Variants in HAUS8 observed in about 807,000 individuals in gnomAD.
HAUS8 encodes HAUS augmin like complex subunit 8, also known as HAUS augmin-like complex subunit 8.
HAUS8 carries 38 observed loss-of-function variants against 42.9 expected under a neutral mutation model. The ratio of observed to expected loss-of-function variants is 0.89; its 90% confidence interval spans 0.68 to 1.16. The LOEUF (loss-of-function observed/expected upper bound fraction) is 1.16. Among genes scored for constraint, HAUS8 ranks in the 50% most tolerant of loss-of-function variants. The pLI, the probability that HAUS8 is intolerant of heterozygous loss-of-function variation, is 0.00. For synonymous variants in HAUS8, 199 were observed against 205.8 expected (o/e 0.97, Z 0.28); for missense variants, 494 against 511.6 (o/e 0.97, Z 0.33).
chr19:17,050,048 G>T lies in HAUS8; in HGVS notation c.1058C>A (p.Ala353Asp). The T allele has an allele frequency of 6.2e-7, 1 of 1,607,704 alleles. No individual in the cohort carries two copies. Among genetic ancestry groups the T allele is most frequent in the East Asian group, 2.3e-5 (1 of 43,984 alleles). The change falls in exon 11 of 11, where the codon GCC becomes GAC. Residue 353 changes from alanine (A) to aspartate (D), a missense_variant. Coordinates refer to ENST00000253669, the MANE Select transcript of HAUS8 (RefSeq NM_033417.2). ...PSRWYFNQDS[A>D]CRESGGAPKN... Reference sequence around the variant, plus strand: ...GGGTGCTCCCCCAGATTCTCTGCAGGCACTGTCTTGATTGAAATACCACCG... The same window carrying T: ...GGGTGCTCCCCCAGATTCTCTGCAGTCACTGTCTTGATTGAAATACCACCG...
At chr19:17,056,544 C>A (rs2057327618) in intron 8 of HAUS8, among the ~76,000 whole-genome samples, 2 of 152,048 alleles carry the variant, frequency 1.3e-5, no homozygotes, top group South Asian at 4.2e-4. Flanking sequence ...TATACACACA[C>A]ACATACACAC....
In HAUS8 at chr19:17,052,938, A is replaced by G. The variant is rs1427369630; in HGVS notation, c.816T>C (p.Thr272=). 6 of 1,614,060 alleles carry G rather than the reference A, an allele frequency of 3.7e-6. No homozygotes were observed. The African/African-American group carries it at 8.0e-5, about 22-fold the overall frequency. The change falls in exon 10 of 11, where the codon ACT becomes ACC. Residue 272 remains threonine (T), a synonymous_variant. Coordinates refer to ENST00000253669, the MANE Select transcript of HAUS8 (RefSeq NM_033417.2). ...LDALQHELVT[T]QRLLGELDVG... ...CATCAAGTTCTCCCAGGAGGCGCTGAGTGGTCACCAGTTCATGCTGCAGGG... is the reference window on the plus strand; with the variant it reads ...CATCAAGTTCTCCCAGGAGGCGCTGGGTGGTCACCAGTTCATGCTGCAGGG...
Position 17,050,129 on chromosome 19 carries a change from G to A in HAUS8, c.977C>T (p.Ala326Val), listed in dbSNP as rs61734359. The A allele has an allele frequency of 3.3e-5, 52 of 1,563,094 alleles. No homozygotes were observed. In the Admixed American group the frequency reaches 9.6e-4, roughly 29 times the overall value. Residue 326 changes from alanine to valine, a missense_variant, in exon 11 of 11, where the codon GCA (alanine) becomes GTA (valine). Physicochemically the swap from Ala to Val is moderately conservative, Grantham distance 64. Transcript: ENST00000253669. ...CCAGACTTCCTGGTTTGCCAAGGCT[G>A]CCTCTTTGCTTGCCTCTGCGGAGAG... is the stretch of plus-strand genomic sequence containing the variant. Reference protein sequence around the residue: ...LELSAEASKEAALANQEVWEE... With the variant: ...LELSAEASKEVALANQEVWEE...
At chr19:17,069,177 A>C in intron 2 of HAUS8, 91 bp from the exon 3 acceptor site, 1 of 1,095,434 alleles carries the variant, frequency 9.1e-7, no homozygotes, top group Non-Finnish European at 1.4e-6. Context: ...CCCAGATGCC[A>C]GGGGCCCTCT....
At chr19:17,069,207 G>C (rs1416956366) in intron 2 of HAUS8, 121 bp from the exon 3 acceptor site, 1 of 825,816 alleles carries the variant, frequency 1.2e-6, no homozygotes, top group Non-Finnish European at 2.1e-6. Flanking sequence ...GACCAGAACA[G>C]AGGAGGTCAC....
In HAUS8 at chr19:17,049,910, G is replaced by A. The variant is rs61735360; in HGVS notation, c.1196C>T (p.Pro399Leu). 0.025 allele frequency: 38,099 copies of A among 1,524,356 alleles called. 596 individuals are homozygous for A. The highest frequency in any genetic ancestry group is 0.062 in the Admixed American group (2,937 of 47,534). The allele number at this position is 1,524,356 out of a possible 1,614,324, so 94.4% of individuals were successfully genotyped here. The change falls in exon 11 of 11, where the codon CCG (proline) becomes CTG (leucine). Residue 399 changes from proline to leucine, a missense_variant. Pro to Leu is a moderately conservative substitution (Grantham distance 98). Coordinates refer to ENST00000253669, the MANE Select transcript of HAUS8 (RefSeq NM_033417.2). ...CCTCCCTGAACGAGAGAGAGAGGGCGGGACTTCTGCCTGGCTGCTTGAAGA... is the reference window on the plus strand; with the variant it reads ...CCTCCCTGAACGAGAGAGAGAGGGCAGGACTTCTGCCTGGCTGCTTGAAGA... ...DFSSSSQAEV[P>L]PSLSRSGRDL...
chr19:17,060,264 G>T (rs1250184684), intron 4 of HAUS8, 172 bp from the exon 5 acceptor site: 3 of 551,348 alleles, frequency 5.4e-6, no homozygotes, highest in East Asian at 2.9e-5. Context: ...GAAATTCCCA[G>T]CCATCACCTT....
At chr19:17,071,178 G>T (rs1403700920) in intron 2 of HAUS8, among the ~76,000 whole-genome samples, 1 of 152,090 alleles carries the variant, frequency 6.6e-6, no homozygotes, top group African/African-American at 2.4e-5. Context: ...CACACAGCTT[G>T]AGAGTTCAGC....
At chr19:17,064,669 T>C (rs556231570) in intron 3 of HAUS8, among the ~76,000 whole-genome samples, 27 of 152,250 alleles carry the variant, frequency 1.8e-4, no homozygotes, top group Admixed American at 3.9e-4. Context: ...CACCCATACA[T>C]GAAAAAACGA....
Position 17,058,830 on chromosome 19 carries a change from A to T in HAUS8, c.467T>A (p.Leu156Gln). 5 of 1,613,568 alleles carry T rather than the reference A, an allele frequency of 3.1e-6. No individual in the cohort carries two copies. Among genetic ancestry groups the T allele is most frequent in the Non-Finnish European group, 4.2e-6 (5 of 1,179,824 alleles). The change falls in exon 7 of 11, where the codon CTG (leucine) becomes CAG (glutamine). Residue 156 changes from leucine (L) to glutamine (Q), a missense_variant. Coordinates refer to ENST00000253669, the MANE Select transcript of HAUS8 (RefSeq NM_033417.2). ...TTTCACCTTTACGGATAGTAGCGTCAGCAGTAGTGTCTGAGACTCCATCAT... is the reference window on the plus strand; with the variant it reads ...TTTCACCTTTACGGATAGTAGCGTCTGCAGTAGTGTCTGAGACTCCATCAT... Reference protein sequence around the residue: ...MEMMESQTLLLTLLSVKMENN... With the variant: ...MEMMESQTLLQTLLSVKMENN...
chr19:17,063,451 G>C (rs12973050), intron 3 of HAUS8, among the ~76,000 whole-genome samples: 22,136 of 152,210 alleles, frequency 0.15, 1,866 homozygotes, highest in Non-Finnish European at 0.2. Flanking sequence ...AAAAGGAAAA[G>C]TAAAACTCTG....
chr19:17,059,063 A>G (rs1288342187), intron 6 of HAUS8, among the ~76,000 whole-genome samples, 187 bp from the exon 7 acceptor site: 1 of 152,186 alleles, frequency 6.6e-6, no homozygotes, highest in Non-Finnish European at 1.5e-5. Flanking sequence ...CGCTGAGATG[A>G]AAGAGGGAGG....
chr19:17,074,010 TAAATAA>T (rs55812372), intron 1 of HAUS8: 56,364 of 150,478 alleles, frequency 0.37, 10,781 homozygotes, highest in African/African-American at 0.43. Flanking sequence ...AATAAATAAA[TAAATAA>T]AAATAAAAAT....
At position 17,073,352 on chromosome 19, in the gene HAUS8, A is replaced by G; in HGVS notation, c.30-17T>C. 4 of 1,612,416 alleles carry G rather than the reference A, an allele frequency of 2.5e-6. No individual in the cohort carries two copies. Among genetic ancestry groups the G allele is most frequent in the Non-Finnish European group, 3.4e-6 (4 of 1,178,578 alleles). On this transcript the variant is annotated splice_polypyrimidine_tract_variant and intron_variant, in intron 1 of 10. Transcript: ENST00000253669. ...GCAGGCTTCCTGCAAGAGAAGAGAG[A>G]GAGGTCTTGTTCACCTCACTACCCA...
intron 4 of HAUS8, chr19:17,060,319 TA>T: frequency 2.1e-6 from 1 of 483,586 alleles, no homozygotes; most frequent in Non-Finnish European, 3.7e-6. Flanking sequence ...ACATTCTGTA[TA>T]ACCAAAGAGA....
chr19:17,073,282 C>A lies in HAUS8; in HGVS notation c.83G>T (p.Arg28Ile). ...NSSSAKKKDK[R>I]VQGGRVIESR... ...ATCCTGACACTGCTTACCTTGAACT[C>A]TTTTATCCTTCTTCTTGGCACTGCT... Residue 28 changes from arginine to isoleucine, a missense_variant, in exon 2 of 11, where the codon AGA (arginine) becomes ATA (isoleucine). Transcript: ENST00000253669. 6.2e-7 allele frequency: 1 copy of A among 1,613,850 alleles called. No homozygotes were observed. Among genetic ancestry groups the A allele is most frequent in the Non-Finnish European group, 8.5e-7 (1 of 1,179,742 alleles).
chr19:17,072,557 G>A (rs1170708987), intron 2 of HAUS8, among the ~76,000 whole-genome samples: 2 of 151,854 alleles, frequency 1.3e-5, no homozygotes, highest in Admixed American at 6.6e-5. Flanking sequence ...GGTCAGGCAG[G>A]TCTTGAACTC....
rs149461989 is a variant in HAUS8, at chr19:17,075,353, A to G, written c.29+41T>C. ...TCCGCTGCCCATCCTCTCCAGCCCT[A>G]TGGCGTCTACAAATCCAGACCTGCG... On this transcript the variant is annotated intron_variant, in intron 1 of 10. Coordinates refer to ENST00000253669, the MANE Select transcript of HAUS8 (RefSeq NM_033417.2). The G allele has an allele frequency of 7.9e-4, 1,275 of 1,609,940 alleles. 22 individuals carry two copies. The East Asian group carries it at 0.023, about 29-fold the overall frequency.
At chr19:17,053,214 G>A (rs748110406) in intron 9 of HAUS8, 12 of 542,640 alleles carry the variant, frequency 2.2e-5, no homozygotes, top group Middle Eastern at 5.0e-4. Flanking sequence ...ATGTCACTCT[G>A]GTGTCCTCAA....
Sources: allele counts gnomAD v4.1 joint callset (sites outside exome capture counted in the v4.1 genomes callset), GRCh38; gene constraint gnomAD v4.1.1; transcripts MANE v1.5; gene names NCBI Gene and HGNC (gene_info 2026-07-23, HGNC 2026-07-21).